The following PTPRT variants were observed in gnomAD, a reference collection of about 807,000 sequenced individuals.
PTPRT encodes protein tyrosine phosphatase receptor type T.
In PTPRT, 56 loss-of-function variants were observed where a neutral mutation model predicts 176.8. The ratio of observed to expected loss-of-function variants is 0.32; its 90% CI spans 0.26 to 0.40. PTPRT has a LOEUF of 0.40. Among genes scored for constraint, PTPRT ranks in the 10% least tolerant of loss-of-function variants. The pLI, the probability that PTPRT is intolerant of heterozygous loss-of-function variation, is 1.00. For synonymous variants in PTPRT, 783 were observed against 739.0 expected (o/e 1.06, Z -0.96); for missense variants, 1,540 against 1,908.2 (o/e 0.81, Z 3.60).
Position 42,936,975 on chromosome 20 carries a change from G to A in PTPRT, c.89-51043C>T, listed in dbSNP as rs553459759. Among the ~76,000 whole-genome samples the A allele has an allele frequency of 4.3e-4, 65 of 152,170 alleles. 1 individual carries two copies. The highest frequency in any genetic ancestry group is 4.6e-4 in the Admixed American group (7 of 15,270). On this transcript the variant is annotated intron_variant, in intron 1 of 30. Coordinates refer to ENST00000373187, the MANE Select transcript of PTPRT (RefSeq NM_007050.6). Reference sequence around the variant, plus strand: ...CGGCCCTGCATCTGGGTGATGGACCGTGGTCCACACAGCACACTCGAGCCT... The same window carrying A: ...CGGCCCTGCATCTGGGTGATGGACCATGGTCCACACAGCACACTCGAGCCT...
At chr20:42,609,278 G>A (rs1600464472) in intron 7 of PTPRT, among the ~76,000 whole-genome samples, 1 of 151,824 alleles carries the variant, frequency 6.6e-6, no homozygotes, top group Non-Finnish European at 1.5e-5. Context: ...TTCACTATGT[G>A]GGCCAGGCTG....
intron 7 of PTPRT, among the ~76,000 whole-genome samples, chr20:42,547,648 A>G (rs1010391244): frequency 6.6e-6 from 1 of 152,066 alleles, no homozygotes; most frequent in Non-Finnish European, 1.5e-5. Flanking sequence ...TATAGTAAAT[A>G]GTATACATTT....
chr20:42,051,659 G>A, the PTPRT span, among the ~76,000 whole-genome samples: 1 of 152,178 alleles, frequency 6.6e-6, no homozygotes, highest in Non-Finnish European at 1.5e-5. Context: ...GAACAAGGGG[G>A]AGAGAGGCAA....
intron 1 of PTPRT, among the ~76,000 whole-genome samples, chr20:43,035,813 G>A (rs1986355410): frequency 6.6e-6 from 1 of 152,222 alleles, no homozygotes; most frequent in South Asian, 2.1e-4. Flanking sequence ...CACACTTACA[G>A]CAAGCCACTT....
intron 30 of PTPRT, 43 bp downstream of exon 30, chr20:42,081,839 T>C: frequency 1.9e-6 from 3 of 1,606,686 alleles, no homozygotes; most frequent in Non-Finnish European, 2.6e-6. Flanking sequence ...TCAAGGGAAC[T>C]AGTCAGCCCT....
At chr20:43,083,351 T>TATACACAC (rs2011510110) in intron 1 of PTPRT, among the ~76,000 whole-genome samples, 1 of 114,316 alleles carries the variant, frequency 8.7e-6, no homozygotes, top group African/African-American at 3.4e-5. Flanking sequence ...TATATATATA[T>TATACACAC]ATATATATAT....
chr20:42,152,404 T>C (rs1989175743), intron 17 of PTPRT, among the ~76,000 whole-genome samples: 1 of 152,220 alleles, frequency 6.6e-6, no homozygotes, highest in Admixed American at 6.5e-5. Context: ...AATTTATGAG[T>C]TCTGCTGGTG....
At chr20:43,075,960 C>G (rs1006148819) in intron 1 of PTPRT, among the ~76,000 whole-genome samples, 1 of 152,158 alleles carries the variant, frequency 6.6e-6, no homozygotes, top group Non-Finnish European at 1.5e-5. Flanking sequence ...CTCCAGAATT[C>G]TATGCCTTAC....
chr20:42,538,611 C>T (rs891244633), intron 7 of PTPRT, among the ~76,000 whole-genome samples: 1 of 152,176 alleles, frequency 6.6e-6, no homozygotes, highest in Non-Finnish European at 1.5e-5. Context: ...TTAATCTATA[C>T]CAAAATTGGG....
At chr20:43,110,636 T>A (rs1306878315) in intron 1 of PTPRT, among the ~76,000 whole-genome samples, 1 of 152,214 alleles carries the variant, frequency 6.6e-6, no homozygotes, top group Non-Finnish European at 1.5e-5. Context: ...ATTTAAGATA[T>A]ATGCCCTTTT....
intron 1 of PTPRT, among the ~76,000 whole-genome samples, chr20:43,178,214 C>A (rs1275236320): frequency 2.6e-5 from 4 of 152,180 alleles, no homozygotes; most frequent in African/African-American, 9.7e-5. Flanking sequence ...AGACAGCTGG[C>A]CTCTACTTCA....
chr20:42,994,579 C>T (rs948486883), intron 1 of PTPRT, among the ~76,000 whole-genome samples: 1 of 152,056 alleles, frequency 6.6e-6, no homozygotes, highest in Non-Finnish European at 1.5e-5. Flanking sequence ...GCACACATCC[C>T]AACCAAAAAG....
At chr20:42,430,537 G>A (rs949166586) in intron 9 of PTPRT, among the ~76,000 whole-genome samples, 2 of 152,168 alleles carry the variant, frequency 1.3e-5, no homozygotes, top group Non-Finnish European at 2.9e-5. Context: ...CTGCAGGTAG[G>A]CTAACAGAGG....
intron 1 of PTPRT, among the ~76,000 whole-genome samples, chr20:43,185,953 A>G (rs2015380349): frequency 6.6e-6 from 1 of 152,072 alleles, no homozygotes; most frequent in Non-Finnish European, 1.5e-5. Flanking sequence ...GGAAACTAAA[A>G]ATCATCACCA....
chr20:42,729,286 A>T (rs1176184220), intron 6 of PTPRT, among the ~76,000 whole-genome samples: 1 of 152,168 alleles, frequency 6.6e-6, no homozygotes, highest in Non-Finnish European at 1.5e-5. Context: ...GGTCTAGCGG[A>T]TGCTATTAAA....
At chr20:42,226,738 C>T (rs942497769) in intron 15 of PTPRT, among the ~76,000 whole-genome samples, 2 of 152,126 alleles carry the variant, frequency 1.3e-5, no homozygotes, top group African/African-American at 4.8e-5. Context: ...TAAGTGGGCA[C>T]TGTGGCTGGG....
At chr20:42,057,856 G>C in the PTPRT span, among the ~76,000 whole-genome samples, 13 of 152,216 alleles carry the variant, frequency 8.5e-5, no homozygotes, top group Admixed American at 7.2e-4. Flanking sequence ...TGGGATTATA[G>C]GCATAAGCCT....
intron 6 of PTPRT, among the ~76,000 whole-genome samples, chr20:42,709,761 G>C (rs1194196159): frequency 6.6e-6 from 1 of 152,190 alleles, no homozygotes; most frequent in Non-Finnish European, 1.5e-5. Flanking sequence ...AGGGAGATGA[G>C]GGAAAGTTTG....
At chr20:42,515,359 C>G (rs552517252) in intron 7 of PTPRT, among the ~76,000 whole-genome samples, 2 of 151,730 alleles carry the variant, frequency 1.3e-5, no homozygotes, top group Admixed American at 6.6e-5. Context: ...GGCATGTGCC[C>G]GTAATCCCAG....
Sources: gnomAD v4.1 joint callset for allele counts (sites outside exome capture counted in the v4.1 genomes callset) on GRCh38, gnomAD v4.1.1 for gene constraint, MANE v1.5 for transcripts, NCBI Gene and HGNC (gene_info 2026-07-23, HGNC 2026-07-21) for gene names.